The following SPTBN4 variants were observed in gnomAD, a reference collection of about 807,000 sequenced individuals.
SPTBN4 encodes spectrin beta chain, non-erythrocytic 4.
A neutral mutation model predicts 277.8 loss-of-function variants in SPTBN4; 96 were observed. That is an observed-to-expected ratio of 0.35 (90% CI 0.29 to 0.41). The LOEUF (loss-of-function observed/expected upper bound fraction) is 0.41, where lower values mean the gene tolerates loss of function less well. SPTBN4 is among the 10% of genes least tolerant of loss of function. The probability of loss-of-function intolerance (pLI) is 1.00; values close to 1 mark genes in which losing one functional copy is unlikely to be tolerated. For missense variants in SPTBN4, 3,006 were observed against 3,595.7 expected, an observed-to-expected ratio of 0.84 and a Z score of 4.19; for synonymous variants, 1,481 against 1,580.3, an observed-to-expected ratio of 0.94 and a Z score of 1.49.
intron 13 of SPTBN4, among the ~76,000 whole-genome samples, chr19:40,511,225 G>A (rs571435075): frequency 3.4e-5 from 5 of 146,128 alleles, no homozygotes; most frequent in Non-Finnish European, 6.0e-5. Flanking sequence ...CCAACATAGC[G>A]AAACCCCATC....
Position 40,570,585 on chromosome 19 carries a change from C to A in SPTBN4, c.7176C>A (p.Gly2392=). 1 of 1,374,886 alleles carries A rather than the reference C, an allele frequency of 7.3e-7. No homozygotes were observed. The highest frequency in any genetic ancestry group is 9.4e-7 in the Non-Finnish European group (1 of 1,065,422). The allele number at this position is 1,374,886 out of a possible 1,614,324, so 85.2% of individuals were successfully genotyped here. The change falls in exon 33 of 36, where the codon GGC becomes GGA. Residue 2392 remains glycine, a synonymous_variant. Coordinates refer to ENST00000598249, the MANE Select transcript of SPTBN4 (RefSeq NM_020971.3). ...CGCGGCCCAGAGAGGGTGGTGAGGG[C>A]GGGGGAAGCCGGCGCTCGCGCTCCG... is the stretch of plus-strand genomic sequence containing the variant. ...RRPRPREGGE[G]GGSRRSRSAP...
At chr19:40,569,168 G>A (rs962059557) in intron 31 of SPTBN4, among the ~76,000 whole-genome samples, 1 of 152,142 alleles carries the variant, frequency 6.6e-6, no homozygotes, top group Non-Finnish European at 1.5e-5. Context: ...GCTCACGCCT[G>A]TAATCTCAGC....
At position 40,497,556 on chromosome 19, in the gene SPTBN4, C is replaced by T. The variant is rs138314115; in HGVS notation, c.736C>T (p.Arg246Cys). Residue 246 changes from arginine to cysteine, a missense_variant, in exon 7 of 36, where the codon CGC becomes TGC. By Grantham distance (180) the Arg-to-Cys change is radical. Coordinates refer to ENST00000598249, the MANE Select transcript of SPTBN4 (RefSeq NM_020971.3). The stretch of plus-strand genomic sequence containing the variant: ...CAACTACAACCTGCAGAGAGCCTTC[C>T]GCACAGCTGAGCAGCACCTGGGGCT... ...NANYNLQRAFRTAEQHLGLAR... is the reference protein window; with the variant it reads ...NANYNLQRAFCTAEQHLGLAR... 89 of 1,614,090 alleles carry T rather than the reference C, an allele frequency of 5.5e-5. 1 individual carries two copies. The highest frequency in any genetic ancestry group is 3.1e-4 in the East Asian group (14 of 44,874).
intron 5 of SPTBN4, among the ~76,000 whole-genome samples, chr19:40,494,040 G>A (rs2080167288): frequency 6.6e-6 from 1 of 152,200 alleles, no homozygotes; most frequent in Non-Finnish European, 1.5e-5. Context: ...GGGGTGGGGT[G>A]CAGGCTCTAC....
At chr19:40,501,675 A>G (rs1322072503) in intron 7 of SPTBN4, among the ~76,000 whole-genome samples, 1 of 152,190 alleles carries the variant, frequency 6.6e-6, no homozygotes, top group Admixed American at 6.5e-5. Context: ...TCTTAAAAAA[A>G]AAAAGAAAAG....
chr19:40,516,050 T>C (rs980042490), intron 15 of SPTBN4, among the ~76,000 whole-genome samples: 4 of 142,898 alleles, frequency 2.8e-5, no homozygotes, highest in African/African-American at 5.5e-5. Context: ...TATGTATATA[T>C]ATATACACAC....
intron 2 of SPTBN4, among the ~76,000 whole-genome samples, chr19:40,482,595 G>C (rs1260246341): frequency 1.3e-5 from 2 of 152,224 alleles, no homozygotes; most frequent in Non-Finnish European, 2.9e-5. Flanking sequence ...ATTTTTTAAA[G>C]ACAAAGTCTT....
intron 2 of SPTBN4, among the ~76,000 whole-genome samples, chr19:40,483,347 A>G (rs2080033738): frequency 6.6e-6 from 1 of 152,134 alleles, no homozygotes; most frequent in Admixed American, 6.6e-5. Flanking sequence ...AAAATAATTA[A>G]AAGAGTATAA....
At chr19:40,520,196 C>T in intron 16 of SPTBN4, 45 bp downstream of exon 16, 2 of 1,252,308 alleles carry the variant, frequency 1.6e-6, no homozygotes, top group Non-Finnish European at 2.0e-6. Flanking sequence ...AGTCCGAGGC[C>T]GCGGGGGGAT....
At chr19:40,549,146 G>C in intron 20 of SPTBN4, 43 bp from the exon 21 acceptor site, 2 of 1,485,866 alleles carry the variant, frequency 1.3e-6, no homozygotes, top group Non-Finnish European at 1.8e-6. Context: ...AGCAGGATCA[G>C]GAGGGCGGGT....
At chr19:40,505,402 A>AAG (rs1555813993) in intron 12 of SPTBN4, among the ~76,000 whole-genome samples, 19 of 145,544 alleles carry the variant, frequency 1.3e-4, no homozygotes, top group Admixed American at 7.6e-4. Context: ...AAAAAAAAAA[A>AAG]AAGAAGAAGC....
chr19:40,476,092 C>T (rs565771560), intron 2 of SPTBN4, among the ~76,000 whole-genome samples: 18 of 151,942 alleles, frequency 1.2e-4, no homozygotes, highest in African/African-American at 4.3e-4. Flanking sequence ...CGCCTATAAT[C>T]CCAGCGCTTT....
intron 12 of SPTBN4, among the ~76,000 whole-genome samples, chr19:40,505,732 AAGGAAGGAAGGAAGGAAGG>A (rs1243667828): frequency 2.0e-5 from 3 of 151,186 alleles, no homozygotes; most frequent in African/African-American, 7.3e-5. Context: ...GGAAGGAAGG[AAGGAAGGAAGGAAGGAAGG>A]AAGAAAGAAA....
At chr19:40,470,786 C>T (rs148103807) in intron 1 of SPTBN4, among the ~76,000 whole-genome samples, 3,330 of 151,714 alleles carry the variant, frequency 0.022, 57 homozygotes, top group Non-Finnish European at 0.032. Flanking sequence ...TAGCCCGAAA[C>T]CACACCCAGC....
intron 1 of SPTBN4, among the ~76,000 whole-genome samples, chr19:40,471,084 G>A (rs1047658986): frequency 3.3e-5 from 5 of 150,938 alleles, no homozygotes; most frequent in Non-Finnish European, 5.9e-5. Context: ...TGAATACCTG[G>A]GATTACAAGT....
chr19:40,519,706 G>T lies in SPTBN4; in HGVS notation c.3209G>T (p.Trp1070Leu). ...GGCGCGGAGGAGCTGGGCGCCGAGT[G>T]GGGCGCGCTAGCTAGCGCGGCTCAG... ...HQGAEELGAE[W>L]GALASAAQAC... Residue 1070 changes from tryptophan to leucine, a missense_variant, in exon 16 of 36, where the codon TGG (tryptophan) becomes TTG (leucine). By Grantham distance (61) the Trp-to-Leu change is moderately conservative (BLOSUM62 -2). Around this residue, in one of 5 missense-constraint regions of SPTBN4, gnomAD observed 1,759 missense variants for 2,061.5 expected, o/e 0.85. Coordinates refer to ENST00000598249, the MANE Select transcript of SPTBN4 (RefSeq NM_020971.3). The surrounding 1 kb of genome is among the most constrained non-coding windows in gnomAD (Gnocchi z 5.7). The T allele has an allele frequency of 7.2e-7, 1 of 1,389,246 alleles. No individual in the cohort carries two copies. Among genetic ancestry groups the T allele is most frequent in the Non-Finnish European group, 9.2e-7 (1 of 1,082,970 alleles). The allele number at this position is 1,389,246 out of a possible 1,614,324, so 86.1% of individuals were successfully genotyped here.
At chr19:40,484,698 G>C (rs889497125) in intron 2 of SPTBN4, among the ~76,000 whole-genome samples, 3 of 151,850 alleles carry the variant, frequency 2.0e-5, no homozygotes, top group Non-Finnish European at 4.4e-5. Flanking sequence ...GAGGCCAAGG[G>C]GGGTGGATCA....
Position 40,575,673 on chromosome 19 carries a change from A to G in SPTBN4, c.*104A>G. On this transcript the variant is annotated 3_prime_UTR_variant, in exon 36 of 36. Coordinates refer to ENST00000598249, the MANE Select transcript of SPTBN4 (RefSeq NM_020971.3). ...AGGGGCGGGAGCCCCTAGTTCCAAC[A>G]CTGAGGACGCGTGACATGGTGGGCA... 7.3e-7 allele frequency: 1 copy of G among 1,378,412 alleles called. No homozygotes were observed. Among genetic ancestry groups the G allele is most frequent in the Non-Finnish European group, 9.6e-7 (1 of 1,040,474 alleles). 85.4% of individuals were successfully genotyped at this position (1,378,412 alleles called of 1,614,324 possible). A position where few individuals can be genotyped will look rare whatever the true frequency, so the allele number is the denominator to read the frequency against.
chr19:40,557,404 G>A lies in SPTBN4; in HGVS notation c.5670+1G>A. The A allele has an allele frequency of 6.4e-7, 1 of 1,551,956 alleles. No homozygotes were observed. Among genetic ancestry groups the A allele is most frequent in the Non-Finnish European group, 8.7e-7 (1 of 1,145,984 alleles). ...TGACCTGCAGCTCCTCGTGTCCCAGGTGGGGCGCCGGTGGCCATCAGGGCA... is the reference window on the plus strand; with the variant it reads ...TGACCTGCAGCTCCTCGTGTCCCAGATGGGGCGCCGGTGGCCATCAGGGCA... On this transcript the variant is annotated splice_donor_variant, in intron 26 of 35. Coordinates refer to ENST00000598249, the MANE Select transcript of SPTBN4 (RefSeq NM_020971.3). LOFTEE classifies it high-confidence loss of function.
Sources: gnomAD v4.1 joint callset for allele counts (sites outside exome capture counted in the v4.1 genomes callset) on GRCh38, gnomAD v4.1.1 for gene constraint, gnomAD v4.1.1 regional missense constraint, Gnocchi (gnomAD v3.1) non-coding constraint, MANE v1.5 for transcripts, NCBI Gene and HGNC (gene_info 2026-07-23, HGNC 2026-07-21) for gene names.